NUTM2E: variants seen among roughly 807,000 people sequenced by gnomAD.
NUTM2E encodes the protein family with sequence similarity 22, member E.
In NUTM2E, 3 loss-of-function variants were observed where a neutral mutation model predicts 26.1. The ratio of observed to expected loss-of-function variants is 0.12; its 90% confidence interval spans 0.05 to 0.30. The LOEUF is 0.30. NUTM2E is among the 10% of genes least tolerant of loss of function. The pLI is 1.00. For missense variants in NUTM2E, 62 were observed against 381.3 expected (o/e 0.16, Z 6.97); for synonymous variants, 13 against 157.5 (o/e 0.08, Z 6.87).
intron 1 of NUTM2E, among the ~76,000 whole-genome samples, chr10:79,833,698 AACTC>A (rs1841942875): frequency 6.6e-6 from 1 of 151,772 alleles, no homozygotes; most frequent in Admixed American, 6.6e-5. Flanking sequence ...AATCATTAAA[AACTC>A]AGGAAACAAC....
chr10:79,828,010 G>A (rs1177295961), intron 1 of NUTM2E, among the ~76,000 whole-genome samples: 4 of 151,358 alleles, frequency 2.6e-5, no homozygotes, highest in Admixed American at 2.0e-4. Context: ...GGTCAGGCTG[G>A]TCGCAAACTC....
At chr10:79,830,115 A>G (rs1315702734) in intron 1 of NUTM2E, among the ~76,000 whole-genome samples, 2 of 151,694 alleles carry the variant, frequency 1.3e-5, no homozygotes, top group East Asian at 3.9e-4. Context: ...AAAGTAAAAA[A>G]ATCTTAACAT....
chr10:79,834,904 T>A (rs1320799567), intron 1 of NUTM2E, among the ~76,000 whole-genome samples: 1 of 151,570 alleles, frequency 6.6e-6, no homozygotes, highest in Non-Finnish European at 1.5e-5. Context: ...GTTAGTGTGT[T>A]TAATTTTATT....
chr10:79,837,816 T>C (rs920438863), intron 1 of NUTM2E, among the ~76,000 whole-genome samples: 1 of 151,992 alleles, frequency 6.6e-6, no homozygotes, highest in African/African-American at 2.4e-5. Flanking sequence ...GTGCCAGATA[T>C]TAAGCAATTG....
Position 79,828,506 on chromosome 10 carries a change from A to G in NUTM2E, c.-2728+1149A>G, listed in dbSNP as rs569673311. Among the ~76,000 whole-genome samples, 36 of 151,912 alleles carry G rather than the reference A, an allele frequency of 2.4e-4. 1 individual carries two copies. The highest frequency in any genetic ancestry group is 8.4e-4 in the African/African-American group (35 of 41,466). On this transcript the variant is annotated intron_variant, in intron 1 of 9. Transcript: ENST00000429984. ...TTCTGTCACACTCTATATTTTTCTT[A>G]TCTCAAGTAGAAAAAATTTTTGCCC...
intron 1 of NUTM2E, among the ~76,000 whole-genome samples, chr10:79,828,418 C>T (rs539071539): frequency 1.3e-5 from 2 of 151,954 alleles, no homozygotes; most frequent in African/African-American, 4.8e-5. Context: ...CTACATTTCC[C>T]GGAAGGTTAA....
intron 1 of NUTM2E, among the ~76,000 whole-genome samples, chr10:79,829,965 T>A (rs1022934334): frequency 6.6e-6 from 1 of 150,962 alleles, no homozygotes; most frequent in African/African-American, 2.4e-5. Context: ...AGGAGAAGAG[T>A]CTGGAACTGT....
intron 1 of NUTM2E, among the ~76,000 whole-genome samples, chr10:79,828,493 C>CTA (rs1405288854): frequency 6.6e-6 from 1 of 151,784 alleles, no homozygotes; most frequent in Non-Finnish European, 1.5e-5. Flanking sequence ...CTGTCACACT[C>CTA]TATATTTTTC....
At chr10:79,833,758 T>C (rs1473140810) in intron 1 of NUTM2E, among the ~76,000 whole-genome samples, 1 of 151,860 alleles carries the variant, frequency 6.6e-6, no homozygotes, top group Non-Finnish European at 1.5e-5. Context: ...TTTACACTGT[T>C]GGTGGGAGTG....
intron 1 of NUTM2E, among the ~76,000 whole-genome samples, chr10:79,837,756 G>A (rs1289766960): frequency 6.6e-6 from 1 of 152,058 alleles, no homozygotes; most frequent in Admixed American, 6.6e-5. Context: ...TGGAATGAGT[G>A]ATGAAAATTA....
intron 1 of NUTM2E, among the ~76,000 whole-genome samples, chr10:79,833,831 T>TA (rs1841943782): frequency 6.6e-6 from 1 of 151,684 alleles, no homozygotes; most frequent in Non-Finnish European, 1.5e-5. Flanking sequence ...GAACTAGAAA[T>TA]ACCATTTGAC....
intron 1 of NUTM2E, among the ~76,000 whole-genome samples, chr10:79,836,547 T>C (rs2132416363): frequency 6.6e-6 from 1 of 152,058 alleles, no homozygotes; most frequent in Admixed American, 6.6e-5. Flanking sequence ...TTTGTGTATT[T>C]ACATATCGAC....
In NUTM2E at chr10:79,840,402, G is replaced by A. The variant is rs1005779617; in HGVS notation, c.-1339G>A. Among the ~76,000 whole-genome samples, 2 of 146,252 alleles carry A rather than the reference G, an allele frequency of 1.4e-5. No individual in the cohort carries two copies. Among genetic ancestry groups the A allele is most frequent in the African/African-American group, 5.1e-5 (2 of 39,232 alleles). On this transcript the variant is annotated 5_prime_UTR_variant, in exon 4 of 10. Coordinates refer to ENST00000429984, the MANE Select transcript of NUTM2E (RefSeq NM_001355263.2). ...CTGTCTCAGAGGACAAAAGGCCTGG[G>A]AGCACCCAGACAGACAGTCACTGCA...
At chr10:79,834,134 TCTCA>T (rs1841945521) in intron 1 of NUTM2E, among the ~76,000 whole-genome samples, 2 of 151,250 alleles carry the variant, frequency 1.3e-5, no homozygotes, top group African/African-American at 2.4e-5. Flanking sequence ...CACCACATGT[TCTCA>T]CTCAGAAGTG....
rs1328426245 is a variant in NUTM2E at position 79,839,139 on chromosome 10, C to A, written c.-2114+24C>A. Among the ~76,000 whole-genome samples, 2 of 151,710 alleles carry A rather than the reference C, an allele frequency of 1.3e-5. 1 individual carries two copies. Among genetic ancestry groups the A allele is most frequent in the Admixed American group, 1.3e-4 (2 of 15,212 alleles). On this transcript the variant is annotated intron_variant, in intron 3 of 9. Coordinates refer to ENST00000429984, the MANE Select transcript of NUTM2E (RefSeq NM_001355263.2). ...CGGTAATACAAACCTGCAGTCCATG[C>A]ACCTAGGTAACACCCTTGCTGAAAG...
rs1165914370 is a variant in NUTM2E, at chr10:79,827,315, C to T, written c.-2770C>T. 1 of 153,154 alleles carries T rather than the reference C, an allele frequency of 6.5e-6. No individual in the cohort carries two copies. Among genetic ancestry groups the T allele is most frequent in the Non-Finnish European group, 1.5e-5 (1 of 67,950 alleles). 9.5% of individuals were successfully genotyped at this position (153,154 alleles called of 1,614,324 possible). On this transcript the variant is annotated 5_prime_UTR_variant, in exon 1 of 10. Transcript: ENST00000429984. ...TTCAGCTCTAGCAGTGCAAAGGCTT[C>T]ACTGAAAAAGAACATTACAACTTTT...
At chr10:79,828,485 G>C (rs1841905466) in intron 1 of NUTM2E, among the ~76,000 whole-genome samples, 1 of 151,770 alleles carries the variant, frequency 6.6e-6, no homozygotes. Flanking sequence ...AATACCTTCT[G>C]TCACACTCTA....
chr10:79,836,048 A>T (rs542183274), intron 1 of NUTM2E, among the ~76,000 whole-genome samples: 1 of 151,594 alleles, frequency 6.6e-6, no homozygotes, highest in South Asian at 2.1e-4. Flanking sequence ...AGATGTGATT[A>T]TGAAACACAT....
At chr10:79,834,815 TAC>T (rs71925965) in intron 1 of NUTM2E, among the ~76,000 whole-genome samples, 76,656 of 145,652 alleles carry the variant, frequency 0.53, 20,860 homozygotes, top group Non-Finnish European at 0.62. Context: ...ACAGAATACC[TAC>T]ACACACACAC....
Sources: gnomAD v4.1 joint callset for allele counts (sites outside exome capture counted in the v4.1 genomes callset) on GRCh38, gnomAD v4.1.1 for gene constraint, MANE v1.5 for transcripts, NCBI Gene and HGNC (gene_info 2026-07-23, HGNC 2026-07-21) for gene names.